The following COMMD10 variants were observed in gnomAD, a reference collection of about 807,000 sequenced individuals.
The protein encoded by COMMD10 is COMM domain containing 10.
Under a neutral mutation model 28.9 loss-of-function variants are expected in COMMD10, and 33 were observed. That is an observed-to-expected ratio of 1.14 (90% confidence interval 0.87 to 1.53). The LOEUF is 1.53. Ranked by LOEUF, COMMD10 falls within the 40% of genes most tolerant of loss-of-function variation. The pLI, the probability that COMMD10 is intolerant of heterozygous loss-of-function variation, is 0.00. For synonymous variants in COMMD10, 110 were observed against 81.7 expected, an observed-to-expected ratio of 1.35 and a Z score of -1.87; for missense variants, 310 against 233.4, an observed-to-expected ratio of 1.33 and a Z score of -2.14.
intron 5 of COMMD10, among the ~76,000 whole-genome samples, chr5:116,171,531 A>G (rs1254423043): frequency 1.3e-5 from 2 of 152,212 alleles, no homozygotes; most frequent in African/African-American, 4.8e-5. Flanking sequence ...ATGCACGTGT[A>G]TGTTTATTGC....
At chr5:116,270,121 C>G (rs977679461) in intron 5 of COMMD10, among the ~76,000 whole-genome samples, 7 of 151,638 alleles carry the variant, frequency 4.6e-5, no homozygotes, top group Non-Finnish European at 7.4e-5. Flanking sequence ...TTTCTTATTT[C>G]CTACTTTACA....
intron 5 of COMMD10, among the ~76,000 whole-genome samples, chr5:116,223,274 T>C (rs1749311371): frequency 6.6e-6 from 1 of 152,004 alleles, no homozygotes; most frequent in Non-Finnish European, 1.5e-5. Context: ...AGTCAGAGGA[T>C]TTTTATTTAG....
chr5:116,262,792 C>T (rs1750483094), intron 5 of COMMD10, among the ~76,000 whole-genome samples: 1 of 151,686 alleles, frequency 6.6e-6, no homozygotes, highest in Non-Finnish European at 1.5e-5. Context: ...CAGTTAGGTC[C>T]ATTTGCACAA....
intron 4 of COMMD10, among the ~76,000 whole-genome samples, chr5:116,128,433 A>G (rs1269670856): frequency 6.6e-6 from 1 of 152,054 alleles, no homozygotes; most frequent in Non-Finnish European, 1.5e-5. Context: ...TCAGATTTAA[A>G]TTTGAATATG....
chr5:116,245,698 A>G (rs12332585), intron 5 of COMMD10, among the ~76,000 whole-genome samples: 15,957 of 152,186 alleles, frequency 0.1, 927 homozygotes, highest in African/African-American at 0.15. Context: ...ATGCAAATCA[A>G]TAAATGTCAT....
At chr5:116,097,838 C>A (rs952611159) in intron 4 of COMMD10, among the ~76,000 whole-genome samples, 1 of 151,934 alleles carries the variant, frequency 6.6e-6, no homozygotes, top group Non-Finnish European at 1.5e-5. Flanking sequence ...GGGCTACATA[C>A]TTTTGAACAA....
At chr5:116,158,181 C>T (rs62385216) in intron 5 of COMMD10, among the ~76,000 whole-genome samples, 22,206 of 27,832 alleles carry the variant, frequency 0.8, 9,053 homozygotes, top group Non-Finnish European at 0.84. Flanking sequence ...CTCCGTCTCC[C>T]CTCTCTCCGT....
chr5:116,125,602 G>T (rs1580466665), intron 4 of COMMD10, among the ~76,000 whole-genome samples: 1 of 152,078 alleles, frequency 6.6e-6, no homozygotes, highest in East Asian at 1.9e-4. Context: ...GGTCTGCCTT[G>T]CTAGCTTGGG....
chr5:116,151,915 C>G (rs562523777), intron 5 of COMMD10, among the ~76,000 whole-genome samples: 1 of 152,164 alleles, frequency 6.6e-6, no homozygotes, highest in East Asian at 1.9e-4. Context: ...AATATGTTTG[C>G]TCTTGCTTTT....
chr5:116,214,516 C>G (rs540720002), intron 5 of COMMD10, among the ~76,000 whole-genome samples: 2 of 152,128 alleles, frequency 1.3e-5, no homozygotes, highest in African/African-American at 4.8e-5. Context: ...ATCTTAACCA[C>G]TGTAAGCATT....
intron 5 of COMMD10, among the ~76,000 whole-genome samples, chr5:116,158,801 C>CT (rs1455017204): frequency 1.3e-5 from 2 of 150,966 alleles, no homozygotes; most frequent in South Asian, 4.2e-4. Flanking sequence ...ACATCTAAAA[C>CT]TTTAAGAATT....
chr5:116,097,640 G>A (rs144621891), intron 4 of COMMD10, among the ~76,000 whole-genome samples: 267 of 152,210 alleles, frequency 1.8e-3, no homozygotes, highest in African/African-American at 6.1e-3. Flanking sequence ...CCTGAAATAG[G>A]GTAATTATAT....
chr5:116,090,446 A>G (rs528949411), intron 2 of COMMD10, among the ~76,000 whole-genome samples: 3 of 152,318 alleles, frequency 2.0e-5, no homozygotes, highest in African/African-American at 7.2e-5. Context: ...AGAAATAAAC[A>G]TTTGTGGCCT....
chr5:116,190,511 CA>C (rs1307390826), intron 5 of COMMD10, among the ~76,000 whole-genome samples: 1 of 152,176 alleles, frequency 6.6e-6, no homozygotes, highest in Non-Finnish European at 1.5e-5. Flanking sequence ...TCTAATCCTA[CA>C]GTTTCAGTTC....
At chr5:116,253,733 A>C (rs920277066) in intron 5 of COMMD10, among the ~76,000 whole-genome samples, 1 of 149,246 alleles carries the variant, frequency 6.7e-6, no homozygotes, top group African/African-American at 2.5e-5. Context: ...ATCAATGTTC[A>C]TCAAGGATAT....
At chr5:116,280,393 G>C (rs1751039995) in intron 5 of COMMD10, among the ~76,000 whole-genome samples, 2 of 151,716 alleles carry the variant, frequency 1.3e-5, no homozygotes, top group Admixed American at 1.3e-4. Flanking sequence ...TTATCCCTTT[G>C]GTTGCCAAGA....
At chr5:116,130,695 C>T (rs2416430) in intron 4 of COMMD10, among the ~76,000 whole-genome samples, 76,227 of 151,704 alleles carry the variant, frequency 0.5, 21,721 homozygotes, top group Non-Finnish European at 0.65. Context: ...CTAATTTGTC[C>T]TTTCTTCTAG....
In COMMD10 at chr5:116,208,089, T is replaced by G. The variant is rs570799065; in HGVS notation, c.510+73911T>G. Among the ~76,000 whole-genome samples the G allele has an allele frequency of 2.5e-4, 38 of 152,278 alleles. No individual in the cohort carries two copies. In the South Asian group the frequency reaches 7.9e-3, roughly 32 times the overall value. The stretch of plus-strand genomic sequence containing the variant: ...AAAGTTGAAGAAATCACTTCATTAT[T>G]TGTTTGAGTTTCCTTCTTGCTGAAA... On this transcript the variant is annotated intron_variant, in intron 5 of 6. Transcript: ENST00000274458.
intron 4 of COMMD10, among the ~76,000 whole-genome samples, chr5:116,114,382 A>G (rs1054676703): frequency 6.6e-6 from 1 of 152,066 alleles, no homozygotes; most frequent in African/African-American, 2.4e-5. Context: ...TGCTCTCCCC[A>G]GTGCCCTTGT....
Sources: allele counts gnomAD v4.1 joint callset (sites outside exome capture counted in the v4.1 genomes callset), GRCh38; gene constraint gnomAD v4.1.1; transcripts MANE v1.5; gene names NCBI Gene and HGNC (gene_info 2026-07-23, HGNC 2026-07-21).